SLC22A25: variants seen among roughly 807,000 people sequenced by gnomAD.
SLC22A25 encodes solute carrier family 22 member 25.
In SLC22A25, 44 loss-of-function variants were observed where a neutral mutation model predicts 45.9. The ratio of observed to expected loss-of-function variants is 0.96; its 90% CI spans 0.75 to 1.23. The LOEUF is 1.23. Among genes scored for constraint, SLC22A25 ranks in the 50% most tolerant of loss-of-function variants. SLC22A25 has a pLI of 0.00. For synonymous variants in SLC22A25, 283 were observed against 238.6 expected, an observed-to-expected ratio of 1.19 and a Z score of -1.72; for missense variants, 800 against 666.4, an observed-to-expected ratio of 1.20 and a Z score of -2.21.
intron 7 of SLC22A25, among the ~76,000 whole-genome samples, chr11:63,193,384 A>G (rs1322371462): frequency 2.0e-5 from 3 of 152,326 alleles, no homozygotes; most frequent in Admixed American, 6.5e-5. Context: ...ACACCTCCCA[A>G]TAGGGGCTGA....
At position 63,229,759 on chromosome 11, in the gene SLC22A25, T is replaced by A; in HGVS notation, c.-107A>T. On this transcript the variant is annotated 5_prime_UTR_variant, in exon 4 of 12. Transcript: ENST00000306494. ...AAATCACACTAAGTGTGTGTGTTGA[T>A]CCTGACCCCACTCTCTTCTTAATGG... The A allele has an allele frequency of 8.5e-7, 1 of 1,174,010 alleles. No individual in the cohort carries two copies. Among genetic ancestry groups the A allele is most frequent in the Admixed American group, 2.6e-5 (1 of 38,034 alleles). 72.7% of individuals were successfully genotyped at this position (1,174,010 alleles called of 1,614,324 possible). A position where few individuals can be genotyped will look rare whatever the true frequency, so the allele number is the denominator to read the frequency against.
chr11:63,229,624 A>C lies in SLC22A25; in HGVS notation c.29T>G (p.Val10Gly), dbSNP rs745736807. 2 of 1,609,128 alleles carry C rather than the reference A, an allele frequency of 1.2e-6. No homozygotes were observed. Among genetic ancestry groups the C allele is most frequent in the Non-Finnish European group, 1.7e-6 (2 of 1,175,774 alleles). ...GATCTGGAATCTCCCCAGGCCTCCA[A>C]CTTGATCTAGGAGGTCCTGAAAGGC... MAFQDLLDQ[V>G]GGLGRFQILQ... Residue 10 changes from valine to glycine, a missense_variant, in exon 4 of 12, where the codon GTT becomes GGT. Val to Gly is a moderately radical substitution (Grantham distance 109). Coordinates refer to ENST00000306494, the MANE Select transcript of SLC22A25 (RefSeq NM_199352.6).
chr11:63,205,475 A>T (rs1175209122), intron 7 of SLC22A25, among the ~76,000 whole-genome samples: 1 of 152,236 alleles, frequency 6.6e-6, no homozygotes, highest in Non-Finnish European at 1.5e-5. Flanking sequence ...AGGGGATATC[A>T]CTGCTGATCC....
chr11:63,224,182 T>C (rs1272012483), intron 5 of SLC22A25, among the ~76,000 whole-genome samples: 1 of 152,144 alleles, frequency 6.6e-6, no homozygotes, highest in Non-Finnish European at 1.5e-5. Flanking sequence ...TCTTGCTGAA[T>C]TGACCCCTTT....
intron 7 of SLC22A25, among the ~76,000 whole-genome samples, chr11:63,211,902 T>C (rs1241657453): frequency 2.0e-5 from 3 of 152,058 alleles, no homozygotes; most frequent in Non-Finnish European, 4.4e-5. Context: ...GGGAGAAAAC[T>C]TTTGCAATCT....
intron 4 of SLC22A25, 30 bp from the exon 5 acceptor site, chr11:63,228,594 G>A: frequency 6.7e-7 from 1 of 1,501,756 alleles, no homozygotes; most frequent in South Asian, 1.1e-5. Context: ...TCATATCAAT[G>A]CTTATAGCCC....
intron 10 of SLC22A25, 47 bp downstream of exon 10, chr11:63,165,995 GAA>G (rs2087666183): frequency 6.3e-7 from 1 of 1,599,522 alleles, no homozygotes; most frequent in Admixed American, 1.7e-5. Context: ...CAATCCCTGA[GAA>G]AAGAGGGAAA....
At chr11:63,188,395 C>G (rs1282906416) in intron 7 of SLC22A25, among the ~76,000 whole-genome samples, 5 of 151,888 alleles carry the variant, frequency 3.3e-5, no homozygotes, top group Non-Finnish European at 7.4e-5. Context: ...GGTGATATCC[C>G]CTTTGTCATT....
chr11:63,180,844 T>TGC (rs1404227220), intron 8 of SLC22A25, 69 bp from the exon 9 acceptor site: 2 of 1,090,792 alleles, frequency 1.8e-6, no homozygotes, highest in Non-Finnish European at 2.8e-6. Flanking sequence ...AGAGGACTTG[T>TGC]CAACCAACAG....
rs149874190 is a variant in SLC22A25, at chr11:63,183,672, A to G, written c.954+22T>C. ...AATTTATGTCTTCCCAGCATCCCATATCCAGCTCCCGTCTTGCTTACCTCC... is the reference window on the plus strand; with the variant it reads ...AATTTATGTCTTCCCAGCATCCCATGTCCAGCTCCCGTCTTGCTTACCTCC... On this transcript the variant is annotated intron_variant, in intron 8 of 11. Coordinates refer to ENST00000306494, the MANE Select transcript of SLC22A25 (RefSeq NM_199352.6). 561 of 1,612,206 alleles carry G rather than the reference A, an allele frequency of 3.5e-4. 1 individual carries two copies. Among genetic ancestry groups the G allele is most frequent in the Middle Eastern group, 1.7e-3 (10 of 6,044 alleles).
At chr11:63,220,027 A>C in intron 5 of SLC22A25, 1 of 1,288,840 alleles carries the variant, frequency 7.8e-7, no homozygotes, top group Non-Finnish European at 1.0e-6. Context: ...GTTTCCTGCC[A>C]TTTCAGAAGA....
chr11:63,197,688 C>A (rs934025545), intron 7 of SLC22A25, among the ~76,000 whole-genome samples: 1 of 152,102 alleles, frequency 6.6e-6, no homozygotes, highest in Non-Finnish European at 1.5e-5. Context: ...ACTAAAACAC[C>A]AAAAGCAATG....
At chr11:63,215,777 C>A (rs1483331726) in intron 7 of SLC22A25, among the ~76,000 whole-genome samples, 2 of 152,080 alleles carry the variant, frequency 1.3e-5, no homozygotes, top group African/African-American at 4.8e-5. Flanking sequence ...TTTCCAAACT[C>A]CCCTCTCAAG....
At chr11:63,166,651 G>A in intron 9 of SLC22A25, 1 of 1,001,060 alleles carries the variant, frequency 1.0e-6, no homozygotes, top group Non-Finnish European at 1.2e-6. Context: ...TCACAGTAAA[G>A]ATCTAAGAAG....
chr11:63,200,605 G>A (rs1028303394), intron 7 of SLC22A25, among the ~76,000 whole-genome samples: 1 of 152,050 alleles, frequency 6.6e-6, no homozygotes, highest in Non-Finnish European at 1.5e-5. Context: ...CACAAGATGA[G>A]GTTGCCCTCT....
intron 9 of SLC22A25, among the ~76,000 whole-genome samples, chr11:63,170,892 G>A (rs2087855561): frequency 6.6e-6 from 1 of 152,132 alleles, no homozygotes; most frequent in African/African-American, 2.4e-5. Flanking sequence ...TATCCCTGAT[G>A]AACATCAATG....
rs770907865 is a variant in SLC22A25 at position 63,163,908 on chromosome 11, G to C, written c.1560C>G (p.Asn520Lys). The C allele has an allele frequency of 1.9e-6, 3 of 1,613,932 alleles. No homozygotes were observed. The highest frequency in any genetic ancestry group is 2.2e-5 in the South Asian group (2 of 91,064). ...CCTGGATGCTGTCAAGAAGAGGCTG[G>C]TTCCTGGTTTCAGGAAGGAGGAGGA... ...LVVLLLPETR[N>K]QPLLDSIQDV... The change falls in exon 12 of 12, where the codon AAC (asparagine) becomes AAG (lysine). Residue 520 changes from asparagine (N) to lysine (K), a missense_variant. By Grantham distance (94) the Asn-to-Lys change is moderately conservative (BLOSUM62 0). Coordinates refer to ENST00000306494, the MANE Select transcript of SLC22A25 (RefSeq NM_199352.6).
Position 63,163,627 on chromosome 11 carries a change from C to A in SLC22A25, c.*197G>T. On this transcript the variant is annotated 3_prime_UTR_variant, in exon 12 of 12. Transcript: ENST00000306494. Reference sequence around the variant, plus strand: ...GGTCACCTAATTTTGGTCTTTTCACCACAAATTAACCTCCTGGACAGGCTG... The same window carrying A: ...GGTCACCTAATTTTGGTCTTTTCACAACAAATTAACCTCCTGGACAGGCTG... 1 of 758,494 alleles carries A rather than the reference C, an allele frequency of 1.3e-6. No individual in the cohort carries two copies. The highest frequency in any genetic ancestry group is 1.9e-6 in the Non-Finnish European group (1 of 514,902). 47.0% of individuals were successfully genotyped at this position (758,494 alleles called of 1,614,324 possible). A position where few individuals can be genotyped will look rare whatever the true frequency, so the allele number is the denominator to read the frequency against.
In SLC22A25 at chr11:63,229,362, C is replaced by A; in HGVS notation, c.291G>T (p.Lys97Asn). The A allele has an allele frequency of 6.2e-7, 1 of 1,614,006 alleles. No individual in the cohort carries two copies. The highest frequency in any genetic ancestry group is 8.5e-7 in the Non-Finnish European group (1 of 1,179,940). Residue 97 changes from lysine (K) to asparagine (N), a missense_variant, in exon 4 of 12, where the codon AAG becomes AAT. Physicochemically the swap from Lys to Asn is moderately conservative, Grantham distance 94 (BLOSUM62 0). Transcript: ENST00000306494. The part of the protein sequence containing the change: ...KCRRFVHPQW[K>N]LIHLNGTFPN... Reference sequence around the variant, plus strand: ...GGAAGGTCCCATTCAGATGAATGAGCTTCCACTGGGGATGGACAAAGCGAC... The same window carrying A: ...GGAAGGTCCCATTCAGATGAATGAGATTCCACTGGGGATGGACAAAGCGAC...
Sources: allele counts gnomAD v4.1 joint callset (sites outside exome capture counted in the v4.1 genomes callset), GRCh38; gene constraint gnomAD v4.1.1; transcripts MANE v1.5; gene names NCBI Gene and HGNC (gene_info 2026-07-23, HGNC 2026-07-21).